Variants in NUP43 observed in about 807,000 individuals in gnomAD.
The protein encoded by NUP43 is nucleoporin Nup43.
In NUP43, 32 loss-of-function variants were observed where a neutral mutation model predicts 47.3. That is an observed-to-expected ratio of 0.68 (90% confidence interval 0.51 to 0.91). NUP43 has a LOEUF of 0.91. NUP43 is among the 40% of genes least tolerant of loss of function. The pLI is 0.00. For missense variants in NUP43, 444 were observed against 453.9 expected (o/e 0.98, Z 0.20); for synonymous variants, 147 against 158.4 (o/e 0.93, Z 0.54).
intron 5 of NUP43, among the ~76,000 whole-genome samples, chr6:149,738,107 T>C (rs936526194): frequency 5.3e-5 from 8 of 152,222 alleles, no homozygotes; most frequent in African/African-American, 9.6e-5. Context: ...TTTGGAGACA[T>C]GGAATGAAAG....
At chr6:149,743,048 C>T (rs886127071) in intron 3 of NUP43, among the ~76,000 whole-genome samples, 3 of 151,510 alleles carry the variant, frequency 2.0e-5, no homozygotes, top group South Asian at 2.1e-4. Flanking sequence ...TGGTGGCACG[C>T]GCCTGTAATC....
At chr6:149,745,119 G>T (rs895563444) in intron 2 of NUP43, among the ~76,000 whole-genome samples, 1 of 151,396 alleles carries the variant, frequency 6.6e-6, no homozygotes, top group Non-Finnish European at 1.5e-5. Flanking sequence ...ACTTAATTTC[G>T]GCCGGGCGCC....
intron 5 of NUP43, among the ~76,000 whole-genome samples, 172 bp from the exon 6 acceptor site, chr6:149,736,794 T>A (rs1785383618): frequency 6.6e-6 from 1 of 152,206 alleles, no homozygotes; most frequent in African/African-American, 2.4e-5. Context: ...GGCTCAGGTA[T>A]CCTCCCACCT....
intron 7 of NUP43, chr6:149,728,123 CATTA>C: frequency 1.0e-6 from 1 of 985,256 alleles, no homozygotes; most frequent in Non-Finnish European, 1.2e-6. Context: ...TTGTATGTAC[CATTA>C]ATTTACTACT....
chr6:149,741,778 A>G (rs1785670645), intron 4 of NUP43, among the ~76,000 whole-genome samples: 1 of 152,004 alleles, frequency 6.6e-6, no homozygotes, highest in Non-Finnish European at 1.5e-5. Flanking sequence ...GTGCTGGGGT[A>G]ACAGGCATGA....
intron 7 of NUP43, 21 bp from the exon 8 acceptor site, chr6:149,727,219 G>C: frequency 1.9e-6 from 3 of 1,603,006 alleles, no homozygotes; most frequent in Non-Finnish European, 2.6e-6. Flanking sequence ...AAAAGAAAAG[G>C]AAGAAATCTT....
intron 4 of NUP43, among the ~76,000 whole-genome samples, chr6:149,741,828 T>C (rs2115141989): frequency 6.6e-6 from 1 of 152,014 alleles, no homozygotes; most frequent in East Asian, 2.0e-4. Context: ...ATATGGTAAG[T>C]GCTCAATTAC....
intron 7 of NUP43, among the ~76,000 whole-genome samples, chr6:149,730,397 A>T (rs1235100292): frequency 1.3e-5 from 2 of 152,150 alleles, no homozygotes; most frequent in African/African-American, 4.8e-5. Context: ...ATGCAATATG[A>T]AAGATTTGCC....
intron 2 of NUP43, among the ~76,000 whole-genome samples, chr6:149,743,981 ATAT>A (rs1329827854): frequency 6.6e-6 from 1 of 152,170 alleles, no homozygotes; most frequent in African/African-American, 2.4e-5. Context: ...CCTTAGGAAA[ATAT>A]TATTCCTGGC....
intron 7 of NUP43, 148 bp from the exon 8 acceptor site, chr6:149,727,346 A>C: frequency 3.5e-6 from 5 of 1,428,410 alleles, no homozygotes; most frequent in Non-Finnish European, 4.6e-6. Context: ...ATTATACATC[A>C]CCACTTTGGA....
At chr6:149,735,321 G>T (rs770935496) in intron 6 of NUP43, among the ~76,000 whole-genome samples, 8 of 152,122 alleles carry the variant, frequency 5.3e-5, no homozygotes, top group Non-Finnish European at 1.2e-4. Context: ...AGTAGGAGGA[G>T]CCTGGAACTA....
intron 2 of NUP43, among the ~76,000 whole-genome samples, chr6:149,745,178 A>G (rs1278651989): frequency 6.6e-6 from 1 of 151,976 alleles, no homozygotes; most frequent in Non-Finnish European, 1.5e-5. Context: ...AGGCAGGCAA[A>G]TCACCAGGTC....
At chr6:149,727,587 C>G in intron 7 of NUP43, 1 of 885,924 alleles carries the variant, frequency 1.1e-6, no homozygotes, top group Non-Finnish European at 1.4e-6. Context: ...TGGGTAATAA[C>G]AAAATAAAAT....
chr6:149,736,467 T>C lies in NUP43; in HGVS notation c.790+4A>G. 6.4e-7 allele frequency: 1 copy of C among 1,573,692 alleles called. No homozygotes were observed. The highest frequency in any genetic ancestry group is 8.7e-7 in the Non-Finnish European group (1 of 1,148,716). On this transcript the variant is annotated splice_donor_region_variant and intron_variant, in intron 6 of 7. Coordinates refer to ENST00000340413, the MANE Select transcript of NUP43 (RefSeq NM_198887.3). ...TAAACTTTCTGTATCTTCACAATACTTACTTTCAGCTTCATGAGCCTTCAG... is the reference window on the plus strand; with the variant it reads ...TAAACTTTCTGTATCTTCACAATACCTACTTTCAGCTTCATGAGCCTTCAG...
intron 6 of NUP43, among the ~76,000 whole-genome samples, chr6:149,735,598 CAAA>C (rs57726234): frequency 1.9e-5 from 1 of 51,312 alleles, no homozygotes; most frequent in Admixed American, 2.9e-4. Flanking sequence ...ACCCTGTCTC[CAAA>C]AAAAAAAAAA....
chr6:149,738,663 C>T lies in NUP43; in HGVS notation c.618G>A (p.Glu206=). ...KIWDFRQQGN[E]PSQILSLTGD... ...CTTACAGTGACAATATCTGAGAAGGCTCATTTCCTTGTTGTCTGAAATCCC... is the reference window on the plus strand; with the variant it reads ...CTTACAGTGACAATATCTGAGAAGGTTCATTTCCTTGTTGTCTGAAATCCC... Residue 206 remains glutamate, a synonymous_variant, in exon 5 of 8, where the codon GAG becomes GAA. Transcript: ENST00000340413. The T allele has an allele frequency of 6.3e-7, 1 of 1,579,650 alleles. No individual in the cohort carries two copies. Among genetic ancestry groups the T allele is most frequent in the South Asian group, 1.2e-5 (1 of 82,360 alleles).
chr6:149,741,324 C>T (rs1328432591), intron 4 of NUP43, among the ~76,000 whole-genome samples: 2 of 152,024 alleles, frequency 1.3e-5, no homozygotes, highest in African/African-American at 4.8e-5. Flanking sequence ...CAGGCCTGTG[C>T]CACCATGCCC....
chr6:149,740,853 C>T (rs1785616538), intron 4 of NUP43, among the ~76,000 whole-genome samples: 1 of 152,160 alleles, frequency 6.6e-6, no homozygotes, highest in Non-Finnish European at 1.5e-5. Context: ...GCTTACTTCT[C>T]TCTTGCTTCA....
chr6:149,745,278 T>TA (rs1160327413), intron 2 of NUP43, among the ~76,000 whole-genome samples: 6 of 151,108 alleles, frequency 4.0e-5, no homozygotes, highest in Non-Finnish European at 8.8e-5. Flanking sequence ...CCTGCGCCTG[T>TA]AGTCCCAGCT....
Sources: gnomAD v4.1 joint callset for allele counts (sites outside exome capture counted in the v4.1 genomes callset) on GRCh38, gnomAD v4.1.1 for gene constraint, MANE v1.5 for transcripts, NCBI Gene and HGNC (gene_info 2026-07-23, HGNC 2026-07-21) for gene names.